The following MOB3B variants were observed in gnomAD, a reference collection of about 807,000 sequenced individuals.
The protein encoded by MOB3B is MOB kinase activator 3B.
In MOB3B, 7 loss-of-function variants were observed where a neutral mutation model predicts 18.7. The ratio of observed to expected loss-of-function variants is 0.37; its 90% CI spans 0.21 to 0.70. The LOEUF (loss-of-function observed/expected upper bound fraction) is 0.70. Among genes scored for constraint, MOB3B ranks in the 30% least tolerant of loss-of-function variants. The pLI, the probability that MOB3B is intolerant of heterozygous loss-of-function variation, is 0.52. For missense variants in MOB3B, 253 were observed against 281.3 expected (o/e 0.90, Z 0.72); for synonymous variants, 111 against 99.9 (o/e 1.11, Z -0.66).
intron 1 of MOB3B, among the ~76,000 whole-genome samples, chr9:27,503,031 G>A (rs1820011564): frequency 6.6e-6 from 1 of 152,168 alleles, no homozygotes; most frequent in South Asian, 2.1e-4. Flanking sequence ...AGCTGTAAGT[G>A]TTAGTTCAGA....
intron 1 of MOB3B, among the ~76,000 whole-genome samples, chr9:27,472,730 T>G (rs1198390422): frequency 6.6e-6 from 1 of 151,064 alleles, no homozygotes; most frequent in Non-Finnish European, 1.5e-5. Flanking sequence ...TAAACAGTGT[T>G]TGATTTTATA....
intron 2 of MOB3B, among the ~76,000 whole-genome samples, chr9:27,436,508 A>C (rs1452428367): frequency 6.6e-6 from 1 of 152,242 alleles, no homozygotes; most frequent in Non-Finnish European, 1.5e-5. Context: ...TGTGTGAAAC[A>C]GTCAACAAAT....
chr9:27,370,338 G>A (rs191567083), intron 2 of MOB3B, among the ~76,000 whole-genome samples: 12 of 152,100 alleles, frequency 7.9e-5, no homozygotes, highest in Middle Eastern at 3.4e-3. Flanking sequence ...GAGAAACCCC[G>A]TCTGTACTAA....
intron 2 of MOB3B, among the ~76,000 whole-genome samples, chr9:27,404,883 A>G (rs1821942433): frequency 6.6e-6 from 1 of 152,074 alleles, no homozygotes; most frequent in African/African-American, 2.4e-5. Flanking sequence ...TCCCACCAAC[A>G]GTGTATGGGG....
At chr9:27,465,884 C>T (rs1009819419) in intron 1 of MOB3B, among the ~76,000 whole-genome samples, 6 of 152,154 alleles carry the variant, frequency 3.9e-5, no homozygotes, top group Admixed American at 1.3e-4. Context: ...GCATACAGCA[C>T]GGGGATCCTG....
intron 1 of MOB3B, among the ~76,000 whole-genome samples, chr9:27,528,613 G>C (rs1031555447): frequency 1.3e-5 from 2 of 152,260 alleles, no homozygotes; most frequent in Non-Finnish European, 2.9e-5. Flanking sequence ...GGGCCGGGGA[G>C]GGGGACCAGA....
rs1333932671 is a variant in MOB3B, at chr9:27,509,579, G to A, written c.-199+19976C>T. 3.3e-5 allele frequency among the ~76,000 whole-genome samples: 5 copies of A among 151,716 alleles called. No individual in the cohort carries two copies. In the East Asian group the frequency reaches 9.7e-4, roughly 29 times the overall value. Reference sequence around the variant, plus strand: ...TTACAGGCATGCACCACCATGCCTGGCTAATTTTTGTATTTTCAGTAGAGA... The same window carrying A: ...TTACAGGCATGCACCACCATGCCTGACTAATTTTTGTATTTTCAGTAGAGA... On this transcript the variant is annotated intron_variant, in intron 1 of 3. Transcript: ENST00000262244.
intron 1 of MOB3B, among the ~76,000 whole-genome samples, chr9:27,488,802 T>C (rs1334586844): frequency 1.3e-5 from 2 of 152,168 alleles, no homozygotes; most frequent in African/African-American, 4.8e-5. Flanking sequence ...CACTATGGAA[T>C]GTGGTCAGCA....
chr9:27,414,948 G>A (rs1040856263), intron 2 of MOB3B, among the ~76,000 whole-genome samples: 3 of 152,046 alleles, frequency 2.0e-5, no homozygotes, highest in Non-Finnish European at 2.9e-5. Context: ...CACAACCTCC[G>A]CCTCCGGGGT....
intron 2 of MOB3B, among the ~76,000 whole-genome samples, chr9:27,367,978 G>A (rs1020790169): frequency 6.6e-6 from 1 of 152,060 alleles, no homozygotes; most frequent in African/African-American, 2.4e-5. Context: ...CATTTGTGCT[G>A]TCCCTTCTGT....
chr9:27,404,759 C>T lies in MOB3B; in HGVS notation c.419-45523G>A, dbSNP rs1288169508. Among the ~76,000 whole-genome samples, 2 of 152,036 alleles carry T rather than the reference C, an allele frequency of 1.3e-5. 1 individual carries two copies. Among genetic ancestry groups the T allele is most frequent in the Non-Finnish European group, 2.9e-5 (2 of 68,018 alleles). Reference sequence around the variant, plus strand: ...AGATGGGGGTGCAAATACTGATTTCCCTTCTTTTGGATATATACTCAGCAA... The same window carrying T: ...AGATGGGGGTGCAAATACTGATTTCTCTTCTTTTGGATATATACTCAGCAA... On this transcript the variant is annotated intron_variant, in intron 2 of 3. Coordinates refer to ENST00000262244, the MANE Select transcript of MOB3B (RefSeq NM_024761.5).
chr9:27,452,398 A>G (rs1291410359), intron 2 of MOB3B, among the ~76,000 whole-genome samples: 1 of 152,192 alleles, frequency 6.6e-6, no homozygotes, highest in Non-Finnish European at 1.5e-5. Flanking sequence ...CTAGACAGAG[A>G]AGTGAGTGAT....
intron 2 of MOB3B, among the ~76,000 whole-genome samples, chr9:27,433,053 ATTTT>A (rs201266096): frequency 6.8e-6 from 1 of 147,274 alleles, no homozygotes. Flanking sequence ...TTCAGGAACT[ATTTT>A]TTTTTTTCTA....
chr9:27,514,166 A>C (rs1020271690), intron 1 of MOB3B, among the ~76,000 whole-genome samples: 12 of 152,262 alleles, frequency 7.9e-5, no homozygotes, highest in South Asian at 4.1e-4. Flanking sequence ...TCTACTCTTA[A>C]AGGAAAAATA....
chr9:27,343,478 T>TAAAAAAAAAAAA (rs779124158), intron 3 of MOB3B, among the ~76,000 whole-genome samples: 227 of 84,262 alleles, frequency 2.7e-3, no homozygotes, highest in East Asian at 0.026. Flanking sequence ...CAATAAATAC[T>TAAAAAAAAAAAA]AAAAAAAAAA....
chr9:27,394,729 A>G (rs1449979450), intron 2 of MOB3B, among the ~76,000 whole-genome samples: 3 of 152,246 alleles, frequency 2.0e-5, no homozygotes, highest in African/African-American at 7.2e-5. Flanking sequence ...TTAACTTTAG[A>G]TTAACCACAG....
At chr9:27,516,225 T>C (rs1408190459) in intron 1 of MOB3B, among the ~76,000 whole-genome samples, 5 of 152,212 alleles carry the variant, frequency 3.3e-5, no homozygotes, top group Non-Finnish European at 2.9e-5. Flanking sequence ...ATTTCCATTG[T>C]TCTAAGCCAC....
chr9:27,527,607 A>G (rs907633595), intron 1 of MOB3B, among the ~76,000 whole-genome samples: 1 of 152,266 alleles, frequency 6.6e-6, no homozygotes, highest in Admixed American at 6.5e-5. Flanking sequence ...ATGTTCCTAC[A>G]GAAGCCTCTT....
intron 2 of MOB3B, among the ~76,000 whole-genome samples, chr9:27,399,373 C>T (rs1309732825): frequency 1.3e-5 from 2 of 152,184 alleles, no homozygotes; most frequent in African/African-American, 4.8e-5. Context: ...GACGACGAAG[C>T]ACACAAGGGC....
Sources: allele counts gnomAD v4.1 joint callset (sites outside exome capture counted in the v4.1 genomes callset), GRCh38; gene constraint gnomAD v4.1.1; transcripts MANE v1.5; gene names NCBI Gene and HGNC (gene_info 2026-07-23, HGNC 2026-07-21).